LRP1B: variants seen among roughly 807,000 people sequenced by gnomAD.
The protein encoded by LRP1B is LDL receptor related protein 1B.
A neutral mutation model predicts 556.6 loss-of-function variants in LRP1B; 217 were observed. The ratio of observed to expected loss-of-function variants is 0.39; its 90% CI spans 0.35 to 0.44. The LOEUF (loss-of-function observed/expected upper bound fraction) is 0.44. Ranked by LOEUF, LRP1B falls within the 20% of genes least tolerant of loss-of-function variation. The pLI, the probability that LRP1B is intolerant of heterozygous loss-of-function variation, is 1.00. For synonymous variants in LRP1B, 2,047 were observed against 1,865.8 expected (o/e 1.10, Z -2.50); for missense variants, 5,053 against 5,620.8 (o/e 0.90, Z 3.23).
chr2:140,381,186 A>T (rs1274974203), intron 67 of LRP1B, among the ~76,000 whole-genome samples: 1 of 152,142 alleles, frequency 6.6e-6, no homozygotes, highest in East Asian at 1.9e-4. Flanking sequence ...GAAAGCCCTA[A>T]GGAATTTTTC....
intron 35 of LRP1B, among the ~76,000 whole-genome samples, chr2:140,765,302 G>C (rs539778012): frequency 1.3e-4 from 20 of 152,262 alleles, no homozygotes; most frequent in African/African-American, 4.8e-4. Flanking sequence ...TAATTATTCT[G>C]AGTAGAATGT....
chr2:141,517,284 A>ATACACACACACACACACACACACACACC (rs1397137776), intron 2 of LRP1B, among the ~76,000 whole-genome samples: 4 of 151,664 alleles, frequency 2.6e-5, no homozygotes, highest in Admixed American at 6.6e-5. Flanking sequence ...ACACACACAC[A>ATACACACACACACACACACACACACACC]CACACCTTAA....
At chr2:140,781,734 C>T (rs751652327) in intron 32 of LRP1B, among the ~76,000 whole-genome samples, 2 of 152,218 alleles carry the variant, frequency 1.3e-5, no homozygotes, top group Admixed American at 1.3e-4. Context: ...CATAACTCCA[C>T]TATGTTCACC....
chr2:140,825,398 T>C (rs1691467484), intron 31 of LRP1B, among the ~76,000 whole-genome samples: 1 of 152,118 alleles, frequency 6.6e-6, no homozygotes, highest in Non-Finnish European at 1.5e-5. Context: ...TCATGTTGTC[T>C]CCCAGTAACT....
chr2:141,220,793 C>A (rs1414778073), intron 6 of LRP1B, among the ~76,000 whole-genome samples: 1 of 149,604 alleles, frequency 6.7e-6, no homozygotes, highest in Non-Finnish European at 1.5e-5. Flanking sequence ...AAAAGAATTT[C>A]CAACCAAAAA....
chr2:140,872,359 G>GTTTTTTTTTT (rs1693163328), intron 25 of LRP1B, among the ~76,000 whole-genome samples: 1 of 38,052 alleles, frequency 2.6e-5, no homozygotes, highest in Non-Finnish European at 4.6e-5. Context: ...TGTGTCACCT[G>GTTTTTTTTTT]ATTTTTTTTT....
At chr2:141,315,061 G>A (rs900592251) in intron 3 of LRP1B, among the ~76,000 whole-genome samples, 15 of 150,276 alleles carry the variant, frequency 1.0e-4, no homozygotes, top group Non-Finnish European at 1.3e-4. Context: ...AACCAAACAG[G>A]TAGGGACTAT....
At chr2:140,540,576 G>A (rs1176533399) in intron 45 of LRP1B, among the ~76,000 whole-genome samples, 1 of 152,112 alleles carries the variant, frequency 6.6e-6, no homozygotes, top group Non-Finnish European at 1.5e-5. Context: ...ATGATGGACT[G>A]TGAGTGGTTT....
intron 7 of LRP1B, among the ~76,000 whole-genome samples, chr2:141,066,840 A>G (rs917901366): frequency 1.3e-5 from 2 of 152,082 alleles, no homozygotes; most frequent in East Asian, 3.9e-4. Flanking sequence ...TTACGTAACA[A>G]GATACAAAAT....
intron 32 of LRP1B, among the ~76,000 whole-genome samples, chr2:140,794,366 C>T (rs1262049493): frequency 5.3e-5 from 8 of 151,732 alleles, no homozygotes; most frequent in African/African-American, 1.2e-4. Flanking sequence ...CTCTCATAAA[C>T]GGAATTCTTC....
chr2:141,696,639 GAGTA>G (rs1464676582), intron 2 of LRP1B, among the ~76,000 whole-genome samples: 1 of 151,830 alleles, frequency 6.6e-6, no homozygotes, highest in Non-Finnish European at 1.5e-5. Flanking sequence ...GAAATTTTAG[GAGTA>G]AGAAAATTAA....
chr2:141,742,869 A>T (rs1034916370), intron 2 of LRP1B, among the ~76,000 whole-genome samples: 12 of 152,100 alleles, frequency 7.9e-5, no homozygotes, highest in Non-Finnish European at 1.8e-4. Context: ...ATTTGCAGCT[A>T]TTATAAAGGG....
At chr2:141,075,358 T>C (rs1315795391) in intron 7 of LRP1B, among the ~76,000 whole-genome samples, 1 of 152,220 alleles carries the variant, frequency 6.6e-6, no homozygotes, top group Non-Finnish European at 1.5e-5. Context: ...TTTCACATAC[T>C]ATATTTTAAC....
chr2:140,517,337 C>T (rs140515555), intron 49 of LRP1B, among the ~76,000 whole-genome samples: 188 of 152,144 alleles, frequency 1.2e-3, no homozygotes, highest in African/African-American at 4.2e-3. Context: ...AAAATAGATA[C>T]GACTCTAAAT....
chr2:140,804,649 ATTT>A (rs869167644), intron 32 of LRP1B, among the ~76,000 whole-genome samples: 706 of 57,892 alleles, frequency 0.012, 4 homozygotes, highest in African/African-American at 0.038. Flanking sequence ...GTAAAAACTA[ATTT>A]TTTTTTTTTT....
intron 79 of LRP1B, among the ~76,000 whole-genome samples, chr2:140,333,102 T>C (rs1485435506): frequency 1.3e-5 from 2 of 151,970 alleles, no homozygotes; most frequent in African/African-American, 4.8e-5. Flanking sequence ...CATACTCACC[T>C]TCTTTCTGTT....
rs907064302 is a variant in LRP1B at position 140,769,208 on chromosome 2, T to G, written c.5758+5A>C. ...TGCATAAATTATGACTAAAAAGCTA[T>G]TTACCTGCATGGAAATCTATTCCCA... On this transcript the variant is annotated splice_donor_5th_base_variant and intron_variant, in intron 35 of 90. Transcript: ENST00000389484. The G allele has an allele frequency of 1.9e-6, 3 of 1,610,788 alleles. No homozygotes were observed. Among genetic ancestry groups the G allele is most frequent in the Non-Finnish European group, 2.5e-6 (3 of 1,177,860 alleles).
At chr2:141,949,437 C>T (rs1398194626) in intron 1 of LRP1B, among the ~76,000 whole-genome samples, 1 of 152,206 alleles carries the variant, frequency 6.6e-6, no homozygotes, top group East Asian at 1.9e-4. Context: ...TGTCTCCAGG[C>T]TGGAGTGCAG....
At chr2:140,304,772 G>A (rs1008280601) in intron 83 of LRP1B, among the ~76,000 whole-genome samples, 1 of 152,022 alleles carries the variant, frequency 6.6e-6, no homozygotes, top group Non-Finnish European at 1.5e-5. Context: ...TTTCTTCTAG[G>A]GTTTTTATGG....
Sources: allele counts gnomAD v4.1 joint callset (sites outside exome capture counted in the v4.1 genomes callset), GRCh38; gene constraint gnomAD v4.1.1; transcripts MANE v1.5; gene names NCBI Gene and HGNC (gene_info 2026-07-23, HGNC 2026-07-21).